The following DESI1 variants were observed in gnomAD, a reference collection of about 807,000 sequenced individuals.
The protein encoded by DESI1 is PPPDE peptidase domain containing 2.
DESI1 carries 17 observed loss-of-function variants against 22.4 expected under a neutral mutation model. That is an observed-to-expected ratio of 0.76 (90% CI 0.52 to 1.14). The LOEUF is 1.14. Among genes scored for constraint, DESI1 ranks in the 50% most tolerant of loss-of-function variants. DESI1 has a pLI of 0.00. For synonymous variants in DESI1, 92 were observed against 84.2 expected, an observed-to-expected ratio of 1.09 and a Z score of -0.51; for missense variants, 177 against 208.9, an observed-to-expected ratio of 0.85 and a Z score of 0.94.
intron 1 of DESI1, among the ~76,000 whole-genome samples, chr22:41,608,697 C>T (rs2067496810): frequency 6.6e-6 from 1 of 152,120 alleles, no homozygotes; most frequent in Non-Finnish European, 1.5e-5. Flanking sequence ...GTGCCTTGAT[C>T]AGATCCATGT....
intron 1 of DESI1, among the ~76,000 whole-genome samples, chr22:41,620,276 T>C (rs1389080059): frequency 6.6e-6 from 1 of 152,010 alleles, no homozygotes; most frequent in East Asian, 1.9e-4. Flanking sequence ...GAGCTTCCTT[T>C]TGGCACTGAG....
chr22:41,614,710 G>C (rs1601515250), intron 1 of DESI1, among the ~76,000 whole-genome samples: 1 of 149,700 alleles, frequency 6.7e-6, no homozygotes, highest in South Asian at 2.1e-4. Flanking sequence ...TCAGCTTCCC[G>C]AGTAGCTGGG....
rs745948495 is a variant in DESI1, at chr22:41,603,430, C to CG, written c.291-50_291-49insC. 1.9e-6 allele frequency: 3 copies of CG among 1,612,648 alleles called. No homozygotes were observed. In the South Asian group the frequency reaches 3.3e-5, roughly 18 times the overall value. The stretch of plus-strand genomic sequence containing the variant: ...ACATATATGAGAAACCAGCAAGCGT[C>CG]TATGTGGAATAACTCAAGCTAGGCA... On this transcript the variant is annotated intron_variant, in intron 4 of 5. Coordinates refer to ENST00000263256, the MANE Select transcript of DESI1 (RefSeq NM_015704.3).
At chr22:41,606,601 G>GT (rs2067482332) in intron 3 of DESI1, among the ~76,000 whole-genome samples, 2 of 151,586 alleles carry the variant, frequency 1.3e-5, no homozygotes, top group African/African-American at 4.9e-5. Context: ...CTGAAACACC[G>GT]TATCTACTAA....
intron 1 of DESI1, among the ~76,000 whole-genome samples, chr22:41,618,861 G>A (rs940672861): frequency 3.3e-5 from 5 of 152,138 alleles, no homozygotes; most frequent in African/African-American, 4.8e-5. Flanking sequence ...TGAGGAGATC[G>A]AGACCATCCT....
Position 41,604,099 on chromosome 22 carries a change from C to A in DESI1, c.235G>T (p.Val79Phe). The A allele has an allele frequency of 6.2e-7, 1 of 1,614,030 alleles. No individual in the cohort carries two copies. The highest frequency in any genetic ancestry group is 8.5e-7 in the Non-Finnish European group (1 of 1,180,022). Residue 79 changes from valine (V) to phenylalanine (F), a missense_variant, in exon 4 of 6, where the codon GTC (valine) becomes TTC (phenylalanine). Val to Phe is a conservative substitution (Grantham distance 50). Coordinates refer to ENST00000263256, the MANE Select transcript of DESI1 (RefSeq NM_015704.3). ...TACTCCAGAAAGATTTCTTCTGTGA[C>A]TTCTGTACTCCCCACATCAACCACA... Reference protein sequence around the residue: ...DSVVDVGSTEVTEEIFLEYLS... With the variant: ...DSVVDVGSTEFTEEIFLEYLS...
chr22:41,614,095 G>C (rs546408238), intron 1 of DESI1, among the ~76,000 whole-genome samples: 1 of 151,584 alleles, frequency 6.6e-6, no homozygotes, highest in African/African-American at 2.4e-5. Flanking sequence ...GGGGTGCAGC[G>C]GTGCAATCAT....
chr22:41,603,077 TG>T, intron 5 of DESI1, 181 bp downstream of exon 5: 1 of 886,082 alleles, frequency 1.1e-6, no homozygotes, highest in Non-Finnish European at 1.7e-6. Flanking sequence ...GCTCTGAAGG[TG>T]GAGGTAATAC....
Position 41,610,080 on chromosome 22 carries a change from TAA to T in DESI1, c.89-2221_89-2220del, listed in dbSNP as rs71184819. On this transcript the variant is annotated intron_variant, in intron 1 of 5. Coordinates refer to ENST00000263256, the MANE Select transcript of DESI1 (RefSeq NM_015704.3). ...GGGCAACAAGAGCAAAACTCTATCT[TAA>T]AAAAAAAAAAAAAAAAAGACAAGGT... Among the ~76,000 whole-genome samples the T allele has an allele frequency of 3.0e-3, 351 of 115,590 alleles. 3 individuals carry two copies. The highest frequency in any genetic ancestry group is 6.0e-3 in the African/African-American group (179 of 29,588). The allele number at this position is 115,590 out of a possible 152,430, so 75.8% of individuals were successfully genotyped here. A position where few individuals can be genotyped will look rare whatever the true frequency, so the allele number is the denominator to read the frequency against.
Position 41,620,999 on chromosome 22 carries a change from C to A in DESI1, c.-160G>T, listed in dbSNP as rs1341819956. The A allele has an allele frequency of 1.4e-6, 1 of 720,948 alleles. No individual in the cohort carries two copies. Among genetic ancestry groups the A allele is most frequent in the Non-Finnish European group, 2.2e-6 (1 of 445,996 alleles). The allele number at this position is 720,948 out of a possible 1,614,324, so 44.7% of individuals were successfully genotyped here. A position where few individuals can be genotyped will look rare whatever the true frequency, so the allele number is the denominator to read the frequency against. On this transcript the variant is annotated 5_prime_UTR_variant, in exon 1 of 6. Coordinates refer to ENST00000263256, the MANE Select transcript of DESI1 (RefSeq NM_015704.3). ...AGAGGCCGCCCTGCGCTGCTCGCGC[C>A]CCCACACCCGCTACCGGCAACGACT...
intron 1 of DESI1, among the ~76,000 whole-genome samples, chr22:41,608,425 G>A (rs746614575): frequency 3.9e-5 from 6 of 152,146 alleles, no homozygotes; most frequent in Non-Finnish European, 5.9e-5. Context: ...AAAACACAAT[G>A]TTAATATGCT....
intron 1 of DESI1, among the ~76,000 whole-genome samples, chr22:41,615,850 T>C (rs1400397834): frequency 2.0e-5 from 3 of 152,056 alleles, no homozygotes; most frequent in African/African-American, 4.8e-5. Flanking sequence ...CTCACTCACT[T>C]TGGCACCTAA....
chr22:41,601,057 G>A lies in DESI1; in HGVS notation c.*40C>T, dbSNP rs773008781. ...GGTAGGGTTTGTTTTGTTTAAAAAG[G>A]AAAAGCCCTGGTGAGGCAGGGCGGT... is the stretch of plus-strand genomic sequence containing the variant. On this transcript the variant is annotated 3_prime_UTR_variant, in exon 6 of 6. Coordinates refer to ENST00000263256, the MANE Select transcript of DESI1 (RefSeq NM_015704.3). 2 of 1,560,966 alleles carry A rather than the reference G, an allele frequency of 1.3e-6. No individual in the cohort carries two copies. Among genetic ancestry groups the A allele is most frequent in the South Asian group, 2.3e-5 (2 of 88,206 alleles).
intron 3 of DESI1, among the ~76,000 whole-genome samples, chr22:41,605,646 T>TA (rs374355824): frequency 2.0e-4 from 30 of 152,218 alleles, no homozygotes; most frequent in African/African-American, 7.2e-4. Flanking sequence ...ATTGAGAACT[T>TA]ATTATGTGTC....
chr22:41,615,379 C>T (rs887657138), intron 1 of DESI1, among the ~76,000 whole-genome samples: 1 of 150,472 alleles, frequency 6.6e-6, no homozygotes, highest in Non-Finnish European at 1.5e-5. Flanking sequence ...CTGGGAGGCA[C>T]GCGCCACTGC....
chr22:41,614,397 A>C (rs73422955), intron 1 of DESI1, among the ~76,000 whole-genome samples: 2,615 of 152,128 alleles, frequency 0.017, 74 homozygotes, highest in African/African-American at 0.059. Flanking sequence ...TAACATTAAA[A>C]ATGAATTGAG....
chr22:41,621,008 C>G lies in DESI1; in HGVS notation c.-169G>C. On this transcript the variant is annotated 5_prime_UTR_variant, in exon 1 of 6. Coordinates refer to ENST00000263256, the MANE Select transcript of DESI1 (RefSeq NM_015704.3). ...CCTGCGCTGCTCGCGCCCCCACACC[C>G]GCTACCGGCAACGACTACTGTGAGG... The G allele has an allele frequency of 6.0e-6, 4 of 669,322 alleles. No homozygotes were observed. The highest frequency in any genetic ancestry group is 7.5e-6 in the Non-Finnish European group (3 of 400,492). 41.5% of individuals were successfully genotyped at this position (669,322 alleles called of 1,614,324 possible). A position where few individuals can be genotyped will look rare whatever the true frequency, so the allele number is the denominator to read the frequency against.
chr22:41,603,958 A>G (rs2147038616), intron 4 of DESI1, 86 bp downstream of exon 4: 1 of 1,220,076 alleles, frequency 8.2e-7, no homozygotes, highest in Admixed American at 2.0e-5. Flanking sequence ...AGTGATAAGG[A>G]TGATATGACA....
Position 41,601,198 on chromosome 22 carries a change from G to A in DESI1, c.414-8C>T. On this transcript the variant is annotated splice_region_variant and splice_polypyrimidine_tract_variant and intron_variant, in intron 5 of 5. Transcript: ENST00000263256. ...AGTGCCTGTCCAAAGGGCCTGCAAG[G>A]AAACAGAGACATGAGAGGGGTGGGC... The A allele has an allele frequency of 6.2e-7, 1 of 1,603,724 alleles. No individual in the cohort carries two copies. Among genetic ancestry groups the A allele is most frequent in the Non-Finnish European group, 8.5e-7 (1 of 1,175,320 alleles).
Sources: gnomAD v4.1 joint callset for allele counts (sites outside exome capture counted in the v4.1 genomes callset) on GRCh38, gnomAD v4.1.1 for gene constraint, MANE v1.5 for transcripts, NCBI Gene and HGNC (gene_info 2026-07-23, HGNC 2026-07-21) for gene names.